ARAP1: variants seen among roughly 807,000 people sequenced by gnomAD.
The protein encoded by ARAP1 is ArfGAP with RhoGAP domain, ankyrin repeat and PH domain 1, also known as arf-GAP with Rho-GAP domain, ANK repeat and PH domain-containing protein 1.
In ARAP1, 76 loss-of-function variants were observed where a neutral mutation model predicts 172.2. That is an observed-to-expected ratio of 0.44 (90% CI 0.37 to 0.53). The LOEUF (loss-of-function observed/expected upper bound fraction) is 0.53. Ranked by LOEUF, ARAP1 falls within the 20% of genes least tolerant of loss-of-function variation. The pLI, the probability that ARAP1 is intolerant of heterozygous loss-of-function variation, is 0.00. For missense variants in ARAP1, 1,686 were observed against 1,977.5 expected (o/e 0.85, Z 2.80); for synonymous variants, 804 against 803.3 (o/e 1.00, Z -0.01).
intron 23 of ARAP1, 69 bp downstream of exon 23, chr11:72,696,476 TAGTC>T (rs1198740919): frequency 1.8e-5 from 22 of 1,229,842 alleles, no homozygotes; most frequent in Non-Finnish European, 2.3e-5. Flanking sequence ...CAGAGGAGGG[TAGTC>T]AGCCAGGGTG....
At chr11:72,704,542 G>A in intron 13 of ARAP1, 1 of 570,776 alleles carries the variant, frequency 1.8e-6, no homozygotes. Context: ...CTAGGTCTCA[G>A]GCTCAGTGAC....
chr11:72,691,970 G>A (rs1163123358), intron 30 of ARAP1, among the ~76,000 whole-genome samples: 2 of 152,162 alleles, frequency 1.3e-5, no homozygotes, highest in African/African-American at 4.8e-5. Flanking sequence ...GCACTCTTAC[G>A]AGAATCTAAC....
intron 1 of ARAP1, among the ~76,000 whole-genome samples, chr11:72,746,115 T>C (rs982527373): frequency 6.6e-6 from 1 of 152,182 alleles, no homozygotes; most frequent in African/African-American, 2.4e-5. Flanking sequence ...GCCAGCAGTG[T>C]GACCCTGACC....
At chr11:72,739,232 T>A (rs1858130050) in intron 1 of ARAP1, among the ~76,000 whole-genome samples, 1 of 152,046 alleles carries the variant, frequency 6.6e-6, no homozygotes, top group African/African-American at 2.4e-5. Context: ...GGCCACCACA[T>A]AACAGTCTCA....
At position 72,694,887 on chromosome 11, in the gene ARAP1, A is replaced by G. The variant is rs1422817719; in HGVS notation, c.3694+93T>C. 1.2e-5 allele frequency: 13 copies of G among 1,076,138 alleles called. No homozygotes were observed. The South Asian group carries it at 1.5e-4, about 12-fold the overall frequency. The allele number at this position is 1,076,138 out of a possible 1,614,324, so 66.7% of individuals were successfully genotyped here. A position where few individuals can be genotyped will look rare whatever the true frequency, so the allele number is the denominator to read the frequency against. ...GTCATCAAAGCCCTTTTCACCACCC[A>G]TCCTCATGTGCAGGGTAGGGGAGGA... On this transcript the variant is annotated intron_variant, in intron 27 of 34. Transcript: ENST00000393609.
chr11:72,713,346 AT>A, intron 4 of ARAP1, 103 bp from the exon 5 acceptor site: 4 of 1,051,658 alleles, frequency 3.8e-6, no homozygotes, highest in Non-Finnish European at 5.7e-6. Flanking sequence ...CAAGACCCCC[AT>A]CCCCACCTCC....
intron 30 of ARAP1, among the ~76,000 whole-genome samples, chr11:72,689,884 T>C (rs1855865691): frequency 6.6e-6 from 1 of 151,790 alleles, no homozygotes; most frequent in Non-Finnish European, 1.5e-5. Context: ...AGAAACAAGA[T>C]GTGGGGGAAT....
At chr11:72,686,980 T>C (rs1044424823) in intron 33 of ARAP1, among the ~76,000 whole-genome samples, 2 of 152,206 alleles carry the variant, frequency 1.3e-5, no homozygotes, top group African/African-American at 2.4e-5. Flanking sequence ...TCCTGGCTTC[T>C]CCCCTCACAT....
rs534047271 is a variant in ARAP1, at chr11:72,710,090, G to A, written c.1417-114C>T. On this transcript the variant is annotated intron_variant, in intron 10 of 34. Transcript: ENST00000393609. The surrounding 1 kb of genome is among the most constrained non-coding windows in gnomAD (Gnocchi z 4.3). ...CTCAGGGACTGGGGGGGGTGCCCAG[G>A]AGGGAGACAGCAGGGGACATGGGAG... 10 of 970,668 alleles carry A rather than the reference G, an allele frequency of 1.0e-5. No individual in the cohort carries two copies. The Admixed American group carries it at 1.1e-4, about 11-fold the overall frequency. The allele number at this position is 970,668 out of a possible 1,614,324, so 60.1% of individuals were successfully genotyped here. A position where few individuals can be genotyped will look rare whatever the true frequency, so the allele number is the denominator to read the frequency against.
At chr11:72,687,868 G>A (rs1855757831) in intron 31 of ARAP1, 130 bp from the exon 32 acceptor site, 1 of 1,066,786 alleles carries the variant, frequency 9.4e-7, no homozygotes, top group Non-Finnish European at 1.4e-6. Context: ...TCACAAGAGT[G>A]GCACATCCTG....
intron 1 of ARAP1, among the ~76,000 whole-genome samples, chr11:72,748,871 G>A (rs1472557323): frequency 6.6e-6 from 1 of 152,210 alleles, no homozygotes; most frequent in Non-Finnish European, 1.5e-5. Flanking sequence ...GGACACTGGG[G>A]TTGATTCAGC....
intron 16 of ARAP1, among the ~76,000 whole-genome samples, chr11:72,701,216 T>C (rs1856467487): frequency 3.4e-5 from 5 of 146,004 alleles, no homozygotes; most frequent in Admixed American, 3.4e-4. Context: ...GGCAGAGTGA[T>C]TAGGGGGGTG....
At chr11:72,720,327 C>G (rs1419382309) in intron 3 of ARAP1, among the ~76,000 whole-genome samples, 1 of 152,176 alleles carries the variant, frequency 6.6e-6, no homozygotes, top group African/African-American at 2.4e-5. Context: ...CTTCTTCCTT[C>G]CTCCTCCATC....
chr11:72,714,430 T>G (rs1354211796), intron 3 of ARAP1, 109 bp from the exon 4 acceptor site: 1 of 1,122,680 alleles, frequency 8.9e-7, no homozygotes, highest in African/African-American at 1.6e-5. Flanking sequence ...CTACACAAAC[T>G]CACACAGACA....
Position 72,697,148 on chromosome 11 carries a change from T to C in ARAP1, c.3001A>G (p.Thr1001Ala). 1 of 1,604,832 alleles carries C rather than the reference T, an allele frequency of 6.2e-7. No individual in the cohort carries two copies. The highest frequency in any genetic ancestry group is 8.5e-7 in the Non-Finnish European group (1 of 1,179,842). ...IYRKCGQTSK[T>A]QRLLESLRQD... ...CGCAGGCTCTCCAGCAGCCGCTGTG[T>C]CTTCGATGTCTGCCCACACTTGCGG... The change falls in exon 22 of 35, where the codon ACA becomes GCA. Residue 1001 changes from threonine to alanine, a missense_variant. By Grantham distance (58) the Thr-to-Ala change is moderately conservative. This residue lies in a region of ARAP1 where 274 missense variants were observed against 262.7 expected (regional missense o/e 1.04). Coordinates refer to ENST00000393609, the MANE Select transcript of ARAP1 (RefSeq NM_001040118.3).
At chr11:72,694,583 A>G (rs183004200) in intron 27 of ARAP1, among the ~76,000 whole-genome samples, 1 of 152,218 alleles carries the variant, frequency 6.6e-6, no homozygotes, top group Non-Finnish European at 1.5e-5. Flanking sequence ...CATTAGACTA[A>G]TGCCTCCGTC....
At chr11:72,716,172 CAAAAAAAA>C (rs201462857) in intron 3 of ARAP1, among the ~76,000 whole-genome samples, 1 of 73,304 alleles carries the variant, frequency 1.4e-5, no homozygotes, top group Admixed American at 1.5e-4. Context: ...GACTCCGTCT[CAAAAAAAA>C]AAAAAAAAAA....
intron 30 of ARAP1, chr11:72,688,906 C>T (rs965661853): frequency 7.1e-5 from 15 of 209,938 alleles, no homozygotes; most frequent in Non-Finnish European, 1.3e-4. Flanking sequence ...GAGAACTGTA[C>T]ATCCTCCCCC....
chr11:72,701,851 A>G, intron 15 of ARAP1, 68 bp from the exon 16 acceptor site: 1 of 1,570,916 alleles, frequency 6.4e-7, no homozygotes, highest in Non-Finnish European at 8.6e-7. Context: ...CCTCACTCCC[A>G]CCTGGCCTGG....
Sources: allele counts gnomAD v4.1 joint callset (sites outside exome capture counted in the v4.1 genomes callset), GRCh38; gene constraint gnomAD v4.1.1; regional missense constraint gnomAD v4.1.1; non-coding constraint Gnocchi (gnomAD v3.1); transcripts MANE v1.5; gene names NCBI Gene and HGNC (gene_info 2026-07-23, HGNC 2026-07-21).